Variants in NEO1 observed in about 807,000 individuals in gnomAD.
NEO1 encodes neogenin 1, also known as neogenin.
In NEO1, 63 loss-of-function variants were observed where a neutral mutation model predicts 159.7. That is an observed-to-expected ratio of 0.39 (90% CI 0.32 to 0.49). The LOEUF (loss-of-function observed/expected upper bound fraction) is 0.49. Ranked by LOEUF, NEO1 falls within the 20% of genes least tolerant of loss-of-function variation. The probability of loss-of-function intolerance (pLI) is 0.85; values close to 1 mark genes in which losing one functional copy is unlikely to be tolerated. For missense variants in NEO1, 1,615 were observed against 1,831.0 expected (o/e 0.88, Z 2.15); for synonymous variants, 633 against 662.0 (o/e 0.96, Z 0.67).
At chr15:73,169,149 A>G (rs145426973) in intron 5 of NEO1, among the ~76,000 whole-genome samples, 2,064 of 152,264 alleles carry the variant, frequency 0.014, 51 homozygotes, top group African/African-American at 0.046. Context: ...TTTGAATTAA[A>G]TGGCAATTTT....
chr15:73,099,819 T>C (rs8039439), intron 1 of NEO1, among the ~76,000 whole-genome samples: 12,637 of 152,242 alleles, frequency 0.083, 611 homozygotes, highest in Non-Finnish European at 0.1. Flanking sequence ...ACATCAGCTC[T>C]CTAGAACATA....
intron 7 of NEO1, among the ~76,000 whole-genome samples, chr15:73,211,169 ACTAGGCCTCTTG>A (rs1300325219): frequency 6.6e-6 from 1 of 152,232 alleles, no homozygotes; most frequent in Non-Finnish European, 1.5e-5. Flanking sequence ...CTAGTACTGG[ACTAGGCCTCTTG>A]CTGTAAACAG....
At chr15:73,119,769 G>A (rs1211299783) in intron 2 of NEO1, among the ~76,000 whole-genome samples, 1 of 152,164 alleles carries the variant, frequency 6.6e-6, no homozygotes, top group Non-Finnish European at 1.5e-5. Flanking sequence ...TTCTCCATAT[G>A]TTTTTGTGAG....
chr15:73,085,809 T>G (rs574512498), intron 1 of NEO1, among the ~76,000 whole-genome samples: 7 of 152,174 alleles, frequency 4.6e-5, no homozygotes, highest in Non-Finnish European at 8.8e-5. Context: ...AAATTGGGGT[T>G]GTTTTCTTGT....
intron 1 of NEO1, among the ~76,000 whole-genome samples, chr15:73,106,042 AG>A: frequency 1.3e-5 from 2 of 152,290 alleles, no homozygotes; most frequent in East Asian, 3.9e-4. Context: ...GTTTCTAAAA[AG>A]TTTCCTTTCT....
At chr15:73,253,691 T>G (rs763939700) in intron 12 of NEO1, among the ~76,000 whole-genome samples, 1 of 152,184 alleles carries the variant, frequency 6.6e-6, no homozygotes, top group African/African-American at 2.4e-5. Flanking sequence ...ACCCACTCAT[T>G]TATTCTCCTT....
chr15:73,218,387 C>T (rs1403631347), intron 7 of NEO1, among the ~76,000 whole-genome samples: 1 of 149,016 alleles, frequency 6.7e-6, no homozygotes, highest in African/African-American at 2.5e-5. Flanking sequence ...CTAAAATTCT[C>T]TTTTTTGGTT....
intron 7 of NEO1, among the ~76,000 whole-genome samples, chr15:73,199,671 C>T (rs1217013425): frequency 6.6e-6 from 1 of 152,052 alleles, no homozygotes; most frequent in Non-Finnish European, 1.5e-5. Context: ...AACAAAATAC[C>T]TTAGACTGGG....
chr15:73,176,644 A>T (rs900655886), intron 6 of NEO1, 87 bp downstream of exon 6: 65 of 998,048 alleles, frequency 6.5e-5, no homozygotes, highest in Non-Finnish European at 9.0e-5. Flanking sequence ...TATCTTATAT[A>T]TACTAGTTTG....
chr15:73,054,853 T>C (rs1310762419), intron 1 of NEO1, among the ~76,000 whole-genome samples: 2 of 152,224 alleles, frequency 1.3e-5, no homozygotes, highest in African/African-American at 2.4e-5. Context: ...GAACAAGCTG[T>C]CCGCAAATCA....
chr15:73,163,670 G>A (rs1225841904), intron 5 of NEO1, among the ~76,000 whole-genome samples: 1 of 152,148 alleles, frequency 6.6e-6, no homozygotes, highest in Non-Finnish European at 1.5e-5. Context: ...TGCTGAAACC[G>A]ATTCAGAGGG....
upstream of NEO1, among the ~76,000 whole-genome samples, chr15:73,052,326 C>T (rs1429653871): frequency 7.2e-6 from 1 of 138,570 alleles, no homozygotes; most frequent in Non-Finnish European, 1.6e-5. Flanking sequence ...CCCCCGCCGT[C>T]CGCGGTCTCC....
At chr15:73,116,999 C>G (rs2071364101) in intron 2 of NEO1, 142 bp downstream of exon 2, 1 of 659,938 alleles carries the variant, frequency 1.5e-6, no homozygotes, top group African/African-American at 1.8e-5. Flanking sequence ...TGCATATACT[C>G]TGCGTATGGG....
intron 13 of NEO1, 58 bp downstream of exon 13, chr15:73,254,887 A>T: frequency 6.4e-7 from 1 of 1,559,106 alleles, no homozygotes; most frequent in Non-Finnish European, 8.7e-7. Context: ...ATATTGAATT[A>T]TGCTAGTCTA....
At chr15:73,235,096 C>T (rs1397457905) in intron 7 of NEO1, among the ~76,000 whole-genome samples, 1 of 152,152 alleles carries the variant, frequency 6.6e-6, no homozygotes, top group Non-Finnish European at 1.5e-5. Flanking sequence ...GTTGGTCCTC[C>T]TTTGCCATTT....
At chr15:73,227,983 C>T (rs1217398774) in intron 7 of NEO1, among the ~76,000 whole-genome samples, 2 of 152,160 alleles carry the variant, frequency 1.3e-5, no homozygotes, top group Non-Finnish European at 2.9e-5. Context: ...AATCATACTT[C>T]AGTAAAGCTG....
At position 73,280,285 on chromosome 15, in the gene NEO1, C is replaced by CA. The variant is rs763744936; in HGVS notation, c.3262+2099dup. Reference sequence around the variant, plus strand: ...TGGGCAGCAGAGTGAGGTTCCGTCTCAAAAAAAAAAAAAGGAAGCTGTTAT... The same window carrying CA: ...TGGGCAGCAGAGTGAGGTTCCGTCTCAAAAAAAAAAAAAAGGAAGCTGTTAT... On this transcript the variant is annotated intron_variant, in intron 22 of 28. Transcript: ENST00000261908. Among the ~76,000 whole-genome samples, 744 of 121,938 alleles carry CA rather than the reference C, an allele frequency of 6.1e-3. 10 individuals are homozygous for CA. Among genetic ancestry groups the CA allele is most frequent in the South Asian group, 0.051 (191 of 3,778 alleles). The allele number at this position is 121,938 out of a possible 152,430, so 80.0% of individuals were successfully genotyped here.
At chr15:73,104,960 G>T (rs7177002) in intron 1 of NEO1, among the ~76,000 whole-genome samples, 22,326 of 152,126 alleles carry the variant, frequency 0.15, 2,546 homozygotes, top group African/African-American at 0.31. Flanking sequence ...CAACACTGGA[G>T]ATTATAATTC....
At chr15:73,273,126 G>A (rs1596550469) in intron 19 of NEO1, among the ~76,000 whole-genome samples, 1 of 151,712 alleles carries the variant, frequency 6.6e-6, no homozygotes, top group African/African-American at 2.4e-5. Context: ...TACTTTCAGA[G>A]GAAAACCTTC....
Sources: allele counts gnomAD v4.1 joint callset (sites outside exome capture counted in the v4.1 genomes callset), GRCh38; gene constraint gnomAD v4.1.1; transcripts MANE v1.5; gene names NCBI Gene and HGNC (gene_info 2026-07-23, HGNC 2026-07-21).